Variants in C21orf58 observed in about 807,000 individuals in gnomAD.
The protein encoded by C21orf58 is chromosome 21 open reading frame 58, also known as uncharacterized protein C21orf58.
A neutral mutation model predicts 35.8 loss-of-function variants in C21orf58; 34 were observed. The observed-to-expected ratio is 0.95, with a 90% CI of 0.72 to 1.26. The LOEUF is 1.26. C21orf58 is among the 50% of genes most tolerant of loss of function. The probability of loss-of-function intolerance (pLI) is 0.00; values close to 1 mark genes in which losing one functional copy is unlikely to be tolerated. For synonymous variants in C21orf58, 191 were observed against 175.8 expected (o/e 1.09, Z -0.68); for missense variants, 440 against 414.3 (o/e 1.06, Z -0.54).
intron 1 of C21orf58, among the ~76,000 whole-genome samples, chr21:46,320,109 A>G (rs2083105841): frequency 6.7e-6 from 1 of 149,786 alleles, no homozygotes. Context: ...CATCTTATGT[A>G]TTTTTTTTTG....
chr21:46,318,295 G>A lies in C21orf58; in HGVS notation c.101-75C>T. 3.2e-6 allele frequency: 5 copies of A among 1,580,294 alleles called. 1 individual carries two copies. The South Asian group carries it at 4.5e-5, about 14-fold the overall frequency. ...CTGCAGTGCCCCAGAAGCCAGCGCT[G>A]GGCGCCGCGTGACAGTTGCCAGGCT... On this transcript the variant is annotated intron_variant, in intron 1 of 7. Coordinates refer to ENST00000291691, the MANE Select transcript of C21orf58 (RefSeq NM_058180.5).
chr21:46,313,033 C>T, intron 5 of C21orf58: 1 of 985,458 alleles, frequency 1.0e-6, no homozygotes, highest in Non-Finnish European at 1.2e-6. Flanking sequence ...CTTGTCCCTT[C>T]TTCCTCAGTT....
Position 46,303,733 on chromosome 21 carries a change from ATATATATATATATTTTTTTTTTTT to A in C21orf58, c.722-1181_722-1158del, listed in dbSNP as rs1376609261. Among the ~76,000 whole-genome samples the A allele has an allele frequency of 2.8e-4, 9 of 32,228 alleles. No individual in the cohort carries two copies. In the East Asian group the frequency reaches 2.9e-3, roughly 10 times the overall value. The allele number at this position is 32,228 out of a possible 152,430, so 21.1% of individuals were successfully genotyped here. Reference sequence around the variant, plus strand: ...AATATATATATATATATATATATATATATATATATATATTTTTTTTTTTTTTTTTTTTTTTGGAGACAGAGTCTT... The same window carrying A: ...AATATATATATATATATATATATATATTTTTTTTTTTGGAGACAGAGTCTT... On this transcript the variant is annotated intron_variant, in intron 6 of 7. Transcript: ENST00000291691.
intron 6 of C21orf58, among the ~76,000 whole-genome samples, chr21:46,303,723 ATATATATATATATATATATATATT>A (rs2082246916): frequency 8.8e-5 from 2 of 22,638 alleles, no homozygotes; most frequent in African/African-American, 2.1e-4. Context: ...ATATATATAT[ATATATATATATATATATATATATT>A]TTTTTTTTTT....
chr21:46,303,727 ATATATATATATATATATATTTTT>A (rs1650068897), intron 6 of C21orf58, among the ~76,000 whole-genome samples: 2 of 26,612 alleles, frequency 7.5e-5, no homozygotes, highest in African/African-American at 1.6e-4. Context: ...ATATATATAT[ATATATATATATATATATATTTTT>A]TTTTTTTTTT....
chr21:46,317,129 C>T (rs982263129), intron 3 of C21orf58, 79 bp downstream of exon 3: 27 of 1,283,194 alleles, frequency 2.1e-5, no homozygotes, highest in Non-Finnish European at 2.4e-5. Context: ...GTCCCCACCT[C>T]CCCCTGGAGG....
chr21:46,305,110 C>G (rs761768709), intron 6 of C21orf58, among the ~76,000 whole-genome samples: 1 of 152,126 alleles, frequency 6.6e-6, no homozygotes. Flanking sequence ...TCTGACACAT[C>G]GAACACAGTC....
chr21:46,322,386 C>A (rs1386984738), intron 1 of C21orf58: 1 of 966,034 alleles, frequency 1.0e-6, no homozygotes, highest in Admixed American at 6.1e-5. Flanking sequence ...TTCTGAGGAA[C>A]ACAGTCTAGG....
At chr21:46,300,777 G>A (rs911685042), downstream of C21orf58, 9 of 1,289,222 alleles carry the variant, frequency 7.0e-6, no homozygotes, top group African/African-American at 1.5e-5. Flanking sequence ...CGGAACTTCA[G>A]GAATGAAAGA....
downstream of C21orf58, chr21:46,300,699 C>G: frequency 5.4e-6 from 7 of 1,284,892 alleles, no homozygotes; most frequent in Non-Finnish European, 7.1e-6. Flanking sequence ...TGGCAACTCT[C>G]TGGTCATCCT....
intron 1 of C21orf58, 60 bp downstream of exon 1, chr21:46,322,579 T>C (rs2083208527): frequency 2.8e-6 from 4 of 1,414,552 alleles, no homozygotes; most frequent in Non-Finnish European, 3.7e-6. Flanking sequence ...TGCCCAGAGT[T>C]TGCTCAAACC....
chr21:46,302,766 G>A (rs9976455), intron 6 of C21orf58, among the ~76,000 whole-genome samples, 190 bp from the exon 7 acceptor site: 43 of 112,506 alleles, frequency 3.8e-4, no homozygotes, highest in African/African-American at 1.4e-3. Flanking sequence ...CACACGGTGC[G>A]GGTCCCCGGG....
At chr21:46,302,735 G>C (rs1355311441) in intron 6 of C21orf58, among the ~76,000 whole-genome samples, 159 bp from the exon 7 acceptor site, 1 of 149,922 alleles carries the variant, frequency 6.7e-6, no homozygotes, top group Non-Finnish European at 1.5e-5. Flanking sequence ...GGGTCCCCGG[G>C]GCGCGCCCTG....
intron 5 of C21orf58, among the ~76,000 whole-genome samples, chr21:46,311,948 C>A: frequency 6.8e-6 from 1 of 146,844 alleles, no homozygotes. Flanking sequence ...ACCATCCACC[C>A]ACCCATCCAT....
downstream of C21orf58, chr21:46,301,043 C>A (rs1014722788): frequency 1.8e-5 from 19 of 1,029,916 alleles, no homozygotes; most frequent in Non-Finnish European, 2.1e-5. Flanking sequence ...CTGTGCAAAC[C>A]AGCATGTAGA....
intron 1 of C21orf58, 115 bp from the exon 2 acceptor site, chr21:46,318,335 G>A: frequency 6.7e-7 from 1 of 1,501,294 alleles, no homozygotes; most frequent in East Asian, 2.4e-5. Flanking sequence ...GACACAGGGA[G>A]GCCCCAGGTT....
Position 46,314,786 on chromosome 21 carries a change from G to A in C21orf58, c.539C>T (p.Pro180Leu). Reference sequence around the variant, plus strand: ...GGAGGCAGTGGGTAGGATGCCCGTGGGGGGCAGCTCTGGGGGCAGGGCTGA... The same window carrying A: ...GGAGGCAGTGGGTAGGATGCCCGTGAGGGGCAGCTCTGGGGGCAGGGCTGA... ...LGSALPPELP[P>L]TGILPTASPS... The change falls in exon 5 of 8, where the codon CCC (proline) becomes CTC (leucine). Residue 180 changes from proline (P) to leucine (L), a missense_variant. Transcript: ENST00000291691. 6.5e-7 allele frequency: 1 copy of A among 1,531,096 alleles called. No homozygotes were observed. The highest frequency in any genetic ancestry group is 8.8e-7 in the Non-Finnish European group (1 of 1,133,556). 94.8% of individuals were successfully genotyped at this position (1,531,096 alleles called of 1,614,324 possible).
downstream of C21orf58, chr21:46,300,992 T>C: frequency 1.2e-6 from 1 of 860,008 alleles, no homozygotes; most frequent in South Asian, 1.9e-5. Context: ...GAGCCGCCCT[T>C]CCACTGCCCA....
chr21:46,313,147 T>C (rs1011705924), intron 5 of C21orf58: 15 of 767,506 alleles, frequency 2.0e-5, no homozygotes, highest in East Asian at 2.6e-4. Context: ...GAGTTGGCCA[T>C]TGCAGCATGA....
Sources: gnomAD v4.1 joint callset for allele counts (sites outside exome capture counted in the v4.1 genomes callset) on GRCh38, gnomAD v4.1.1 for gene constraint, MANE v1.5 for transcripts, NCBI Gene and HGNC (gene_info 2026-07-23, HGNC 2026-07-21) for gene names.